The following VRK3 variants were observed in gnomAD, a reference collection of about 807,000 sequenced individuals.
The protein encoded by VRK3 is serine/threonine-protein kinase VRK3.
A neutral mutation model predicts 60.4 loss-of-function variants in VRK3; 50 were observed. That is an observed-to-expected ratio of 0.83 (90% CI 0.66 to 1.05). The LOEUF (loss-of-function observed/expected upper bound fraction) is 1.05. Among genes scored for constraint, VRK3 ranks in the 50% least tolerant of loss-of-function variants. VRK3 has a pLI of 0.00. For synonymous variants in VRK3, 246 were observed against 227.8 expected (o/e 1.08, Z -0.72); for missense variants, 549 against 585.3 (o/e 0.94, Z 0.64).
At chr19:49,996,775 C>A (rs2076711686) in intron 7 of VRK3, among the ~76,000 whole-genome samples, 1 of 151,894 alleles carries the variant, frequency 6.6e-6, no homozygotes, top group South Asian at 2.1e-4. Flanking sequence ...CGCCACCACG[C>A]CTGGCTAATT....
At chr19:49,979,839 C>T (rs905991796) in intron 13 of VRK3, among the ~76,000 whole-genome samples, 20 of 151,100 alleles carry the variant, frequency 1.3e-4, no homozygotes, top group Non-Finnish European at 2.7e-4. Flanking sequence ...GTCAGGAGAT[C>T]GAGACCATCC....
At chr19:49,994,755 A>C (rs1485500615) in intron 9 of VRK3, 59 bp downstream of exon 9, 1 of 1,488,058 alleles carries the variant, frequency 6.7e-7, no homozygotes, top group East Asian at 2.3e-5. Context: ...AGTGCCTGCT[A>C]AACTAGGATG....
rs376592347 is a variant in VRK3, at chr19:50,004,279, G to A, written c.547+3290C>T. The stretch of plus-strand genomic sequence containing the variant: ...CTCTCCTTCTCCCTCTTCCTTCCCC[G>A]CCCTCCTGCCCTCTCCCCACCCTGC... On this transcript the variant is annotated intron_variant, in intron 5 of 14. Coordinates refer to ENST00000316763, the MANE Select transcript of VRK3 (RefSeq NM_016440.4). Among the ~76,000 whole-genome samples, 40 of 150,570 alleles carry A rather than the reference G, an allele frequency of 2.7e-4. No individual in the cohort carries two copies. In the East Asian group the frequency reaches 6.5e-3, roughly 24 times the overall value.
intron 13 of VRK3, among the ~76,000 whole-genome samples, chr19:49,979,512 T>A (rs1213495841): frequency 6.6e-6 from 1 of 152,204 alleles, no homozygotes; most frequent in African/African-American, 2.4e-5. Flanking sequence ...ACAGCCAATC[T>A]TGTTTCATCA....
In VRK3 at chr19:50,020,565, C is replaced by T. The variant is rs56737875; in HGVS notation, c.-2+20G>A. On this transcript the variant is annotated intron_variant, in intron 2 of 14. Transcript: ENST00000316763. ...GAAAAAGGAAAAAGGTCTTGAGAGGCTGTGCCCAAGGGATAATACCTTTAT... is the reference window on the plus strand; with the variant it reads ...GAAAAAGGAAAAAGGTCTTGAGAGGTTGTGCCCAAGGGATAATACCTTTAT... 0.021 allele frequency: 3,158 copies of T among 152,332 alleles called. 103 individuals carry two copies. The highest frequency in any genetic ancestry group is 0.073 in the African/African-American group (3,015 of 41,530). 9.4% of individuals were successfully genotyped at this position (152,332 alleles called of 1,614,324 possible). A position where few individuals can be genotyped will look rare whatever the true frequency, so the allele number is the denominator to read the frequency against.
chr19:49,992,259 T>C (rs2076624290), intron 10 of VRK3, among the ~76,000 whole-genome samples: 1 of 152,148 alleles, frequency 6.6e-6, no homozygotes, highest in African/African-American at 2.4e-5. Context: ...AATACAAAAT[T>C]AGCTAGGCGT....
At chr19:50,001,770 T>G (rs2122291486) in intron 5 of VRK3, among the ~76,000 whole-genome samples, 1 of 151,812 alleles carries the variant, frequency 6.6e-6, no homozygotes, top group East Asian at 1.9e-4. Flanking sequence ...TGACCCAGGG[T>G]TCAAATCCCA....
chr19:50,006,913 G>A (rs59983880), intron 5 of VRK3, among the ~76,000 whole-genome samples: 3,102 of 152,192 alleles, frequency 0.02, 103 homozygotes, highest in African/African-American at 0.071. Flanking sequence ...CTGGGTGAGC[G>A]GATGAGCAAG....
chr19:50,016,256 G>A (rs2077076341), intron 2 of VRK3, 93 bp from the exon 3 acceptor site: 3 of 1,531,388 alleles, frequency 2.0e-6, no homozygotes, highest in African/African-American at 2.7e-5. Flanking sequence ...AGGGTGAGTG[G>A]CAGGAGGCAC....
At chr19:49,977,228 G>A (rs936780876) in intron 14 of VRK3, among the ~76,000 whole-genome samples, 1 of 152,044 alleles carries the variant, frequency 6.6e-6, no homozygotes, top group Non-Finnish European at 1.5e-5. Context: ...TGTGGCTGGT[G>A]CATCGTGCAC....
chr19:50,011,974 T>C (rs1390328197), intron 3 of VRK3, among the ~76,000 whole-genome samples: 3 of 90,220 alleles, frequency 3.3e-5, no homozygotes, highest in African/African-American at 5.3e-5. Flanking sequence ...GCTCATTCTT[T>C]TTTTTTTTTT....
chr19:50,017,833 G>T, intron 2 of VRK3, among the ~76,000 whole-genome samples: 1 of 148,228 alleles, frequency 6.7e-6, no homozygotes. Flanking sequence ...AATTTTTTAA[G>T]TTTTTTTTTT....
At chr19:50,020,741 A>T (rs1220480896) in intron 1 of VRK3, 94 bp from the exon 2 acceptor site, 1 of 152,236 alleles carries the variant, frequency 6.6e-6, no homozygotes, top group Non-Finnish European at 1.5e-5. Flanking sequence ...CCATGTCACC[A>T]GCATGTGCCA....
intron 12 of VRK3, chr19:49,981,816 A>G (rs2076427634): frequency 1.8e-6 from 2 of 1,142,122 alleles, no homozygotes; most frequent in African/African-American, 1.6e-5. Context: ...ACACACACGC[A>G]CACTGGTCAG....
intron 3 of VRK3, among the ~76,000 whole-genome samples, chr19:50,010,666 A>T (rs1045876641): frequency 1.1e-4 from 17 of 152,220 alleles, no homozygotes; most frequent in Non-Finnish European, 4.4e-5. Flanking sequence ...TAATCCCAGC[A>T]CTTTGGGAGG....
rs35261919 is a variant in VRK3, at chr19:49,992,912, T to A, written c.911A>T (p.His304Leu). 2.2e-4 allele frequency: 351 copies of A among 1,613,820 alleles called. No individual in the cohort carries two copies. The highest frequency in any genetic ancestry group is 2.9e-4 in the Non-Finnish European group (339 of 1,180,030). The change falls in exon 10 of 15, where the codon CAT becomes CTT. Residue 304 changes from histidine (H) to leucine (L), a missense_variant. Physicochemically the swap from His to Leu is moderately conservative, Grantham distance 99 (BLOSUM62 -3). Transcript: ENST00000316763. The part of the protein sequence containing the change: ...LEFLHENEYV[H>L]GNVTAENIFV... ...GATATTTTCAGCTGTCACATTTCCA[T>A]GAACATACTCATTCTCATGGAGGAA... is the stretch of plus-strand genomic sequence containing the variant.
chr19:49,995,039 C>A, intron 8 of VRK3, 120 bp from the exon 9 acceptor site: 1 of 1,278,180 alleles, frequency 7.8e-7, no homozygotes, highest in Non-Finnish European at 1.1e-6. Context: ...ATCAAAGGTT[C>A]TGACTGGCTG....
rs1442705157 is a variant in VRK3, at chr19:49,988,504, G to A, written c.1097-12C>T. 1 of 1,611,382 alleles carries A rather than the reference G, an allele frequency of 6.2e-7. No homozygotes were observed. The highest frequency in any genetic ancestry group is 8.5e-7 in the Non-Finnish European group (1 of 1,178,806). On this transcript the variant is annotated splice_polypyrimidine_tract_variant and intron_variant, in intron 11 of 14. Coordinates refer to ENST00000316763, the MANE Select transcript of VRK3 (RefSeq NM_016440.4). ...GCGGCGGGAGGGCCCTGGGGAAGGA[G>A]GAGTAAAGGTGGCAGCTCAAGTCTG...
At chr19:49,996,761 C>T (rs956618366) in intron 7 of VRK3, among the ~76,000 whole-genome samples, 8 of 151,906 alleles carry the variant, frequency 5.3e-5, no homozygotes, top group African/African-American at 1.9e-4. Context: ...AGATTACAGG[C>T]ACACGCCACC....
Sources: gnomAD v4.1 joint callset for allele counts (sites outside exome capture counted in the v4.1 genomes callset) on GRCh38, gnomAD v4.1.1 for gene constraint, MANE v1.5 for transcripts, NCBI Gene and HGNC (gene_info 2026-07-23, HGNC 2026-07-21) for gene names.